The following ESRRG variants were observed in gnomAD, a reference collection of about 807,000 sequenced individuals.
The protein encoded by ESRRG is estrogen related receptor gamma, also known as estrogen-related receptor gamma.
Under a neutral mutation model 44.0 loss-of-function variants are expected in ESRRG, and 13 were observed. The observed-to-expected ratio is 0.30, with a 90% confidence interval of 0.19 to 0.47. The LOEUF is 0.47. Among genes scored for constraint, ESRRG ranks in the 20% least tolerant of loss-of-function variants. The pLI is 1.00. For synonymous variants in ESRRG, 215 were observed against 214.6 expected (o/e 1.00, Z -0.02); for missense variants, 395 against 580.6 (o/e 0.68, Z 3.29).
chr1:216,792,538 T>A (rs888906233), intron 2 of ESRRG, among the ~76,000 whole-genome samples: 185 of 152,314 alleles, frequency 1.2e-3, no homozygotes, highest in African/African-American at 4.4e-3. Context: ...ATTGTTTACA[T>A]ATTAAAAGTA....
chr1:216,506,241 G>A lies in ESRRG; in HGVS notation c.*698C>T, dbSNP rs1354853876. 5.5e-6 allele frequency: 1 copy of A among 180,506 alleles called. No homozygotes were observed. Among genetic ancestry groups the A allele is most frequent in the Non-Finnish European group, 1.2e-5 (1 of 85,060 alleles). 11.2% of individuals were successfully genotyped at this position (180,506 alleles called of 1,614,324 possible). On this transcript the variant is annotated 3_prime_UTR_variant, in exon 7 of 7. Transcript: ENST00000408911. ...TACTGCACTCAGTCAATTTGTATATGTTGCACTGTACTTTTAGGAACGTTG... is the reference window on the plus strand; with the variant it reads ...TACTGCACTCAGTCAATTTGTATATATTGCACTGTACTTTTAGGAACGTTG...
chr1:216,978,968 G>A (rs963553664), intron 1 of ESRRG, among the ~76,000 whole-genome samples: 1 of 152,084 alleles, frequency 6.6e-6, no homozygotes, highest in Non-Finnish European at 1.5e-5. Context: ...CATGAGCTGG[G>A]ACCTCTTCTC....
At chr1:216,810,706 GT>G (rs2148460906) in intron 2 of ESRRG, among the ~76,000 whole-genome samples, 2 of 146,476 alleles carry the variant, frequency 1.4e-5, no homozygotes, top group South Asian at 4.3e-4. Flanking sequence ...AAATGGATGT[GT>G]GTGTGTGTGT....
At chr1:216,923,743 T>C (rs1041523120) in intron 2 of ESRRG, among the ~76,000 whole-genome samples, 26 of 152,220 alleles carry the variant, frequency 1.7e-4, no homozygotes, top group African/African-American at 6.3e-4. Context: ...TGCTGCATTT[T>C]TCAGGCATAT....
At chr1:216,823,450 G>A (rs954081658) in intron 2 of ESRRG, among the ~76,000 whole-genome samples, 2 of 152,156 alleles carry the variant, frequency 1.3e-5, no homozygotes, top group Non-Finnish European at 2.9e-5. Flanking sequence ...TTTCTTTGGA[G>A]ATTGGTATTG....
At chr1:217,099,440 A>G (rs2092474160) in intron 1 of ESRRG, among the ~76,000 whole-genome samples, 1 of 152,082 alleles carries the variant, frequency 6.6e-6, no homozygotes, top group African/African-American at 2.4e-5. Context: ...TTAATTTTCT[A>G]TGTAATTATT....
chr1:216,630,753 CA>C (rs1365046121), intron 3 of ESRRG, among the ~76,000 whole-genome samples: 1 of 152,140 alleles, frequency 6.6e-6, no homozygotes, highest in Non-Finnish European at 1.5e-5. Context: ...GAGTCTTCAA[CA>C]TGATAATGAG....
At chr1:216,579,501 T>C (rs1254453128) in intron 3 of ESRRG, among the ~76,000 whole-genome samples, 2 of 152,132 alleles carry the variant, frequency 1.3e-5, no homozygotes, top group African/African-American at 2.4e-5. Context: ...GTGAAGTCCA[T>C]AGCCTGTATT....
chr1:217,128,818 G>A (rs1030274543), intron 1 of ESRRG, among the ~76,000 whole-genome samples: 1 of 152,054 alleles, frequency 6.6e-6, no homozygotes, highest in African/African-American at 2.4e-5. Context: ...TTAAATTTTT[G>A]TTTTGTGTTA....
chr1:217,121,513 T>C (rs74408286), intron 1 of ESRRG, among the ~76,000 whole-genome samples: 1 of 152,194 alleles, frequency 6.6e-6, no homozygotes, highest in African/African-American at 2.4e-5. Context: ...ACGTGAGAGA[T>C]GATGAGGCAT....
At chr1:217,064,265 T>A (rs2089224111) in intron 1 of ESRRG, among the ~76,000 whole-genome samples, 1 of 152,074 alleles carries the variant, frequency 6.6e-6, no homozygotes, top group African/African-American at 2.4e-5. Context: ...CATATATGTA[T>A]GTATATATGT....
chr1:216,509,824 G>C (rs753072857), intron 6 of ESRRG, among the ~76,000 whole-genome samples: 9 of 152,156 alleles, frequency 5.9e-5, no homozygotes, highest in Non-Finnish European at 1.3e-4. Context: ...ATTAGACAAT[G>C]ATTCAGCTGG....
At chr1:216,970,678 T>C (rs2071453750) in intron 1 of ESRRG, among the ~76,000 whole-genome samples, 1 of 152,170 alleles carries the variant, frequency 6.6e-6, no homozygotes, top group African/African-American at 2.4e-5. Flanking sequence ...GCTAGACAAG[T>C]AGAATATTTA....
intron 2 of ESRRG, among the ~76,000 whole-genome samples, chr1:216,932,058 G>C (rs544340772): frequency 6.6e-6 from 1 of 152,040 alleles, no homozygotes; most frequent in Non-Finnish European, 1.5e-5. Flanking sequence ...ATAAAAATCA[G>C]CCGGACATGG....
At chr1:217,135,752 GAC>G (rs1342041045) in intron 1 of ESRRG, among the ~76,000 whole-genome samples, 3 of 152,228 alleles carry the variant, frequency 2.0e-5, no homozygotes, top group Non-Finnish European at 4.4e-5. Flanking sequence ...CAAATCACGG[GAC>G]ACGACGGAGT....
Position 216,751,640 on chromosome 1 carries a change from A to G in ESRRG, c.-13-74149T>C, listed in dbSNP as rs1357324341. 2.6e-5 allele frequency among the ~76,000 whole-genome samples: 4 copies of G among 152,142 alleles called. 1 individual carries two copies. The South Asian group carries it at 8.3e-4, about 32-fold the overall frequency. On this transcript the variant is annotated intron_variant, in intron 2 of 7. Coordinates refer to the ESRRG transcript ENST00000359162. ...GGGCCTGGGAGCCACCAGTAGACCC[A>G]AAAGACACAAGATGGCTAGAATAGT...
At chr1:216,990,557 C>T (rs2075531995) in intron 1 of ESRRG, among the ~76,000 whole-genome samples, 1 of 152,024 alleles carries the variant, frequency 6.6e-6, no homozygotes. Context: ...ATCTTGGCCA[C>T]CCCTGAGACA....
chr1:216,835,964 G>A (rs2095558248), intron 2 of ESRRG, among the ~76,000 whole-genome samples: 1 of 151,898 alleles, frequency 6.6e-6, no homozygotes, highest in South Asian at 2.1e-4. Flanking sequence ...GAGTCCCATT[G>A]TATCAAAAAG....
At chr1:216,723,583 A>G, upstream of ESRRG, 1 of 442,106 alleles carries the variant, frequency 2.3e-6, no homozygotes, top group Non-Finnish European at 4.0e-6. Flanking sequence ...GCACGGAGCG[A>G]GAGGAGCCAG....
Sources: gnomAD v4.1 joint callset for allele counts (sites outside exome capture counted in the v4.1 genomes callset) on GRCh38, gnomAD v4.1.1 for gene constraint, MANE v1.5 for transcripts, NCBI Gene and HGNC (gene_info 2026-07-23, HGNC 2026-07-21) for gene names.